ERFL: variants seen among roughly 807,000 people sequenced by gnomAD.
ERFL encodes ETS repressor factor like.
ERFL carries 8 observed loss-of-function variants against 27.9 expected under a neutral mutation model. The ratio of observed to expected loss-of-function variants is 0.29; its 90% CI spans 0.17 to 0.52. The LOEUF (loss-of-function observed/expected upper bound fraction) is 0.52. Ranked by LOEUF, ERFL falls within the 20% of genes least tolerant of loss-of-function variation. The probability of loss-of-function intolerance (pLI) is 0.97; values close to 1 mark genes in which losing one functional copy is unlikely to be tolerated. For missense variants in ERFL, 294 were observed against 444.4 expected (o/e 0.66, Z 3.04); for synonymous variants, 174 against 202.8 (o/e 0.86, Z 1.21).
chr19:41,911,201 C>T (rs1213013140), intron 2 of ERFL, among the ~76,000 whole-genome samples: 2 of 152,144 alleles, frequency 1.3e-5, no homozygotes, highest in Admixed American at 6.5e-5. Context: ...CTCCACTGTC[C>T]ACATACCCCC....
In ERFL at chr19:41,910,274, A is replaced by C. The variant is rs1373491707; in HGVS notation, c.68-177T>G. ...TTTGTGTCTGGTCCCCAAATTACCC[A>C]AATAAGGGCAAGAACCCAGTCATCC... On this transcript the variant is annotated intron_variant, in intron 2 of 5. Transcript: ENST00000597630. This position sits in a 1 kb window ranked among gnomAD's most constrained non-coding sequence, Gnocchi z 4.4. 6.6e-6 allele frequency among the ~76,000 whole-genome samples: 1 copy of C among 152,080 alleles called. No individual in the cohort carries two copies. Among genetic ancestry groups the C allele is most frequent in the Non-Finnish European group, 1.5e-5 (1 of 67,988 alleles).
intron 1 of ERFL, among the ~76,000 whole-genome samples, chr19:41,914,578 TCTCCCTCCCTTTCC>T (rs2145889626): frequency 4.3e-5 from 4 of 93,566 alleles, no homozygotes; most frequent in Admixed American, 3.4e-4. Flanking sequence ...TGTCTCCGTC[TCTCCCTCCCTTTCC>T]ACCATCTCTG....
intron 1 of ERFL, among the ~76,000 whole-genome samples, chr19:41,914,203 C>T (rs1223354880): frequency 1.3e-5 from 2 of 151,130 alleles, no homozygotes; most frequent in Non-Finnish European, 3.0e-5. Flanking sequence ...CCTCCCCTGT[C>T]CCAGGCCCCC....
Position 41,909,494 on chromosome 19 carries a change from G to C in ERFL, c.303-23C>G, listed in dbSNP as rs1401200625. ...TAACTGTGGGGAGAGTGGTGGTGTT[G>C]GGGAGGTGCAGGGGGAGCCCTGGGG... On this transcript the variant is annotated intron_variant, in intron 3 of 5. Transcript: ENST00000597630. This position sits in a 1 kb window ranked among gnomAD's most constrained non-coding sequence, Gnocchi z 5.2. 3.2e-6 allele frequency: 4 copies of C among 1,252,406 alleles called. No homozygotes were observed. The African/African-American group carries it at 6.2e-5, about 19-fold the overall frequency. 77.6% of individuals were successfully genotyped at this position (1,252,406 alleles called of 1,614,324 possible). A position where few individuals can be genotyped will look rare whatever the true frequency, so the allele number is the denominator to read the frequency against.
In ERFL at chr19:41,908,709, A is replaced by C; in HGVS notation, c.617-33T>G. On this transcript the variant is annotated intron_variant, in intron 5 of 5. Transcript: ENST00000597630. The surrounding 1 kb of genome is among the most constrained non-coding windows in gnomAD (Gnocchi z 6.7). The stretch of plus-strand genomic sequence containing the variant: ...GCACAGGGGTAGGTCAGGCTGGGGC[A>C]CCTGCCTGCCTGGGGACCAGTAAAG... 2.6e-6 allele frequency: 3 copies of C among 1,153,154 alleles called. No homozygotes were observed. Among genetic ancestry groups the C allele is most frequent in the Non-Finnish European group, 3.3e-6 (3 of 916,362 alleles). The allele number at this position is 1,153,154 out of a possible 1,614,324, so 71.4% of individuals were successfully genotyped here. A position where few individuals can be genotyped will look rare whatever the true frequency, so the allele number is the denominator to read the frequency against.
intron 1 of ERFL, among the ~76,000 whole-genome samples, chr19:41,913,212 C>CCTCCCCG (rs1414235705): frequency 1.3e-5 from 2 of 151,872 alleles, no homozygotes; most frequent in Non-Finnish European, 2.9e-5. Flanking sequence ...TCCCAGCCTC[C>CCTCCCCG]CTCCCCGCTC....
chr19:41,912,196 C>T (rs548605680), intron 2 of ERFL, among the ~76,000 whole-genome samples: 26 of 152,330 alleles, frequency 1.7e-4, no homozygotes, highest in East Asian at 1.9e-4. Flanking sequence ...CACACAAAGA[C>T]AGGCTGTGCA....
chr19:41,908,717 G>GA lies in ERFL; in HGVS notation c.617-42_617-41insT. The stretch of plus-strand genomic sequence containing the variant: ...GTAGGTCAGGCTGGGGCACCTGCCT[G>GA]CCTGGGGACCAGTAAAGGGGGCTGC... On this transcript the variant is annotated intron_variant, in intron 5 of 5. Coordinates refer to ENST00000597630, the MANE Select transcript of ERFL (RefSeq NM_001365103.2). The surrounding 1 kb of genome is among the most constrained non-coding windows in gnomAD (Gnocchi z 6.7). 1.8e-6 allele frequency: 2 copies of GA among 1,118,522 alleles called. No individual in the cohort carries two copies. The highest frequency in any genetic ancestry group is 2.3e-6 in the Non-Finnish European group (2 of 884,776). 69.3% of individuals were successfully genotyped at this position (1,118,522 alleles called of 1,614,324 possible).
At chr19:41,925,359 G>C (rs559818883) in intron 1 of ERFL, among the ~76,000 whole-genome samples, 1 of 152,228 alleles carries the variant, frequency 6.6e-6, no homozygotes, top group African/African-American at 2.4e-5. Context: ...GTACCTGAGG[G>C]ACAGGTGTGG....
chr19:41,919,331 C>T (rs1467144650), intron 1 of ERFL, among the ~76,000 whole-genome samples: 3 of 152,160 alleles, frequency 2.0e-5, no homozygotes, highest in Non-Finnish European at 2.9e-5. Flanking sequence ...CAGACACATG[C>T]GCCATCCAAC....
chr19:41,912,735 G>A, intron 2 of ERFL, 118 bp downstream of exon 2: 1 of 411,218 alleles, frequency 2.4e-6, no homozygotes, highest in East Asian at 3.6e-5. Flanking sequence ...CCAAGACTGA[G>A]AGAGAAGGAC....
chr19:41,917,656 GCA>G lies in ERFL; in HGVS notation c.-13-4726_-13-4725del, dbSNP rs543817088. Among the ~76,000 whole-genome samples, 93 of 151,310 alleles carry G rather than the reference GCA, an allele frequency of 6.1e-4. 1 individual carries two copies. The South Asian group carries it at 0.016, about 27-fold the overall frequency. On this transcript the variant is annotated intron_variant, in intron 1 of 5. Transcript: ENST00000597630. The surrounding 1 kb of genome is among the most constrained non-coding windows in gnomAD (Gnocchi z 4.8). ...CATGCCCCAAAGCACACGCACGCACGCACACACACACCCTGACTGCACCCACC... is the reference window on the plus strand; with the variant it reads ...CATGCCCCAAAGCACACGCACGCACGCACACACACCCTGACTGCACCCACC...
chr19:41,924,016 G>A (rs550111468), intron 1 of ERFL, among the ~76,000 whole-genome samples: 6 of 135,984 alleles, frequency 4.4e-5, no homozygotes, highest in African/African-American at 1.7e-4. Context: ...GTCTGGGGAG[G>A]TGGGGGTGCT....
intron 2 of ERFL, among the ~76,000 whole-genome samples, chr19:41,912,242 C>A (rs966640660): frequency 2.0e-5 from 3 of 152,198 alleles, no homozygotes; most frequent in African/African-American, 7.2e-5. Flanking sequence ...TCTAGAAACA[C>A]TGAAGTGTGA....
At position 41,909,080 on chromosome 19, in the gene ERFL, G is replaced by C. The variant is rs2074737595; in HGVS notation, c.596C>G (p.Pro199Arg). ...CTTACCAGAGCCCAGGAATGGGAAA[G>C]GGCTGTCCAGACGCAATTTATCTGT... is the stretch of plus-strand genomic sequence containing the variant. The part of the protein sequence containing the change: ...SETDKLRLDS[P>R]FPFLGSGATS... Residue 199 changes from proline (P) to arginine (R), a missense_variant, in exon 5 of 6, where the codon CCT (proline) becomes CGT (arginine). Transcript: ENST00000597630. The surrounding 1 kb of genome is among the most constrained non-coding windows in gnomAD (Gnocchi z 5.2). The C allele has an allele frequency of 5.7e-6, 7 of 1,231,570 alleles. No homozygotes were observed. Among genetic ancestry groups the C allele is most frequent in the Admixed American group, 4.2e-5 (1 of 23,698 alleles). The allele number at this position is 1,231,570 out of a possible 1,614,324, so 76.3% of individuals were successfully genotyped here. A position where few individuals can be genotyped will look rare whatever the true frequency, so the allele number is the denominator to read the frequency against.
Position 41,909,706 on chromosome 19 carries a change from C to T in ERFL, c.302+157G>A, listed in dbSNP as rs2074741660. On this transcript the variant is annotated intron_variant, in intron 3 of 5. Transcript: ENST00000597630. The surrounding 1 kb of genome is among the most constrained non-coding windows in gnomAD (Gnocchi z 5.2). The stretch of plus-strand genomic sequence containing the variant: ...CAGGTTTAGGGGTCCCTCCTCCTCG[C>T]CTCCCTTCCACTCACAAGTAGCGAT... Among the ~76,000 whole-genome samples the T allele has an allele frequency of 6.6e-6, 1 of 152,148 alleles. No homozygotes were observed. Among genetic ancestry groups the T allele is most frequent in the Non-Finnish European group, 1.5e-5 (1 of 68,006 alleles).
At position 41,916,311 on chromosome 19, in the gene ERFL, A is replaced by G. The variant is rs757124094; in HGVS notation, c.-13-3379T>C. On this transcript the variant is annotated intron_variant, in intron 1 of 5. Coordinates refer to ENST00000597630, the MANE Select transcript of ERFL (RefSeq NM_001365103.2). The surrounding 1 kb of genome is among the most constrained non-coding windows in gnomAD (Gnocchi z 5.4). ...TCACACACAGCACCACGTCCCACAC[A>G]ACACATCACACACACCAACAAAGCA... is the stretch of plus-strand genomic sequence containing the variant. Among the ~76,000 whole-genome samples the G allele has an allele frequency of 3.7e-4, 56 of 151,888 alleles. 1 individual carries two copies. The highest frequency in any genetic ancestry group is 6.8e-4 in the Non-Finnish European group (46 of 67,930).
At chr19:41,927,243 G>A (rs1214666296) in intron 1 of ERFL, among the ~76,000 whole-genome samples, 3 of 152,100 alleles carry the variant, frequency 2.0e-5, no homozygotes, top group Non-Finnish European at 4.4e-5. Context: ...GACAGTGGTG[G>A]AATGATAGAA....
In ERFL at chr19:41,916,769, C is replaced by T. The variant is rs952495059; in HGVS notation, c.-13-3837G>A. On this transcript the variant is annotated intron_variant, in intron 1 of 5. Transcript: ENST00000597630. The surrounding 1 kb of genome is among the most constrained non-coding windows in gnomAD (Gnocchi z 5.4). ...AACCCAGACAGCCAACGCACACGGC[C>T]ACACACACACCCATTCACAGACACA... is the stretch of plus-strand genomic sequence containing the variant. Among the ~76,000 whole-genome samples the T allele has an allele frequency of 1.3e-5, 2 of 151,994 alleles. No individual in the cohort carries two copies. The highest frequency in any genetic ancestry group is 2.9e-5 in the Non-Finnish European group (2 of 68,004).
Sources: allele counts gnomAD v4.1 joint callset (sites outside exome capture counted in the v4.1 genomes callset), GRCh38; gene constraint gnomAD v4.1.1; non-coding constraint Gnocchi (gnomAD v3.1); transcripts MANE v1.5; gene names NCBI Gene and HGNC (gene_info 2026-07-23, HGNC 2026-07-21).